The following CDH12 variants were observed in gnomAD, a reference collection of about 807,000 sequenced individuals.
The protein encoded by CDH12 is cadherin 12.
In CDH12, 41 loss-of-function variants were observed where a neutral mutation model predicts 74.1. The observed-to-expected ratio is 0.55, with a 90% confidence interval of 0.43 to 0.72. CDH12 has a LOEUF of 0.72. Ranked by LOEUF, CDH12 falls within the 30% of genes least tolerant of loss-of-function variation. CDH12 has a pLI of 0.00. For synonymous variants in CDH12, 399 were observed against 355.0 expected, an observed-to-expected ratio of 1.12 and a Z score of -1.39; for missense variants, 945 against 977.2, an observed-to-expected ratio of 0.97 and a Z score of 0.44.
chr5:22,498,119 T>C (rs920920367), intron 2 of CDH12, among the ~76,000 whole-genome samples: 1 of 152,184 alleles, frequency 6.6e-6, no homozygotes, highest in African/African-American at 2.4e-5. Context: ...TTCCAAGTCA[T>C]TTCAAATGTT....
In CDH12 at chr5:22,078,564, T is replaced by C; in HGVS notation, c.113A>G (p.Asn38Ser). Residue 38 changes from asparagine to serine, a missense_variant, in exon 5 of 15, where the codon AAT becomes AGT. Physicochemically the swap from Asn to Ser is conservative, Grantham distance 46. This residue lies in a region of CDH12 where 148 missense variants were observed against 162.8 expected (regional missense o/e 0.91). Transcript: ENST00000382254. ...QQTLATEPRENVIHLPGQRSH... is the reference protein window; with the variant it reads ...QQTLATEPRESVIHLPGQRSH... Reference sequence around the variant, plus strand: ...CCGTTGTCCTGGCAGATGGATAACATTTTCTCTTGGCTCTGTGGCTAAAGT... The same window carrying C: ...CCGTTGTCCTGGCAGATGGATAACACTTTCTCTTGGCTCTGTGGCTAAAGT... 2 of 1,613,964 alleles carry C rather than the reference T, an allele frequency of 1.2e-6. No homozygotes were observed. The highest frequency in any genetic ancestry group is 1.7e-6 in the Non-Finnish European group (2 of 1,179,874).
chr5:21,820,821 GT>G (rs1423095161), intron 8 of CDH12, among the ~76,000 whole-genome samples: 3 of 151,930 alleles, frequency 2.0e-5, no homozygotes, highest in African/African-American at 7.2e-5. Context: ...ATGATGTACT[GT>G]GTAATTACAC....
intron 9 of CDH12, among the ~76,000 whole-genome samples, chr5:21,806,560 A>G (rs1373704742): frequency 6.6e-6 from 1 of 152,106 alleles, no homozygotes; most frequent in African/African-American, 2.4e-5. Context: ...TGAGATGGTG[A>G]TTAGATTCTG....
chr5:22,629,536 A>G (rs982932910), intron 1 of CDH12, among the ~76,000 whole-genome samples: 7 of 152,170 alleles, frequency 4.6e-5, no homozygotes, highest in African/African-American at 1.7e-4. Flanking sequence ...TAGATATAGA[A>G]AATGCTTATG....
chr5:22,665,325 G>T (rs1740560291), intron 1 of CDH12, among the ~76,000 whole-genome samples: 1 of 152,134 alleles, frequency 6.6e-6, no homozygotes, highest in African/African-American at 2.4e-5. Context: ...TTTTCTAGCT[G>T]AAATTTTTTT....
intron 9 of CDH12, among the ~76,000 whole-genome samples, chr5:21,816,489 G>T (rs1461461806): frequency 6.6e-5 from 10 of 151,042 alleles, no homozygotes; most frequent in African/African-American, 1.9e-4. Flanking sequence ...GCCGGGCGTG[G>T]TGGTGCACAT....
chr5:21,890,973 T>C (rs1005074432), intron 6 of CDH12, among the ~76,000 whole-genome samples: 1 of 152,110 alleles, frequency 6.6e-6, no homozygotes, highest in Non-Finnish European at 1.5e-5. Flanking sequence ...ATCCAAAGTA[T>C]ATAAACCCCA....
At chr5:22,812,456 T>C (rs890937748) in intron 1 of CDH12, among the ~76,000 whole-genome samples, 1 of 152,108 alleles carries the variant, frequency 6.6e-6, no homozygotes, top group East Asian at 1.9e-4. Context: ...AGAATTCTAG[T>C]TGGGATAGCA....
intron 1 of CDH12, among the ~76,000 whole-genome samples, chr5:22,571,819 T>G (rs932080476): frequency 2.6e-5 from 4 of 152,116 alleles, no homozygotes; most frequent in Admixed American, 2.6e-4. Flanking sequence ...CACATAACAT[T>G]AATTGATTAA....
At chr5:21,801,141 C>T (rs557320379) in intron 10 of CDH12, among the ~76,000 whole-genome samples, 2 of 152,130 alleles carry the variant, frequency 1.3e-5, no homozygotes, top group Non-Finnish European at 2.9e-5. Flanking sequence ...CGTATGCTGT[C>T]AAGCCATTTC....
At chr5:21,816,807 C>A in intron 9 of CDH12, 138 bp downstream of exon 9, 1 of 532,172 alleles carries the variant, frequency 1.9e-6, no homozygotes, top group South Asian at 3.5e-5. Context: ...TATCAGTACC[C>A]CAACTCTCAC....
chr5:22,011,726 A>C (rs1456758453), intron 5 of CDH12, among the ~76,000 whole-genome samples: 1 of 152,140 alleles, frequency 6.6e-6, no homozygotes, highest in Non-Finnish European at 1.5e-5. Context: ...GTTATATGCA[A>C]TTATAAGGCA....
chr5:22,595,893 C>T (rs1263835588), intron 1 of CDH12, among the ~76,000 whole-genome samples: 11 of 151,556 alleles, frequency 7.3e-5, no homozygotes, highest in South Asian at 4.2e-4. Flanking sequence ...CTGGCTAACA[C>T]GGTGAAACCC....
At chr5:22,625,921 A>G (rs1738266168) in intron 1 of CDH12, among the ~76,000 whole-genome samples, 2 of 151,778 alleles carry the variant, frequency 1.3e-5, no homozygotes, top group South Asian at 4.2e-4. Context: ...TTGAAATCCC[A>G]TCACTTTGTC....
chr5:22,762,755 G>A (rs758820878), intron 1 of CDH12, among the ~76,000 whole-genome samples: 3 of 151,984 alleles, frequency 2.0e-5, no homozygotes, highest in Non-Finnish European at 4.4e-5. Context: ...TCTTGATAAA[G>A]AGTTAATTTT....
chr5:21,790,827 C>T (rs965889556), intron 10 of CDH12, among the ~76,000 whole-genome samples: 1 of 151,958 alleles, frequency 6.6e-6, no homozygotes, highest in African/African-American at 2.4e-5. Flanking sequence ...GGCATCAAGT[C>T]GTGGCACACA....
intron 3 of CDH12, among the ~76,000 whole-genome samples, chr5:22,294,557 T>C (rs1304312220): frequency 1.3e-5 from 2 of 152,160 alleles, no homozygotes; most frequent in Non-Finnish European, 2.9e-5. Flanking sequence ...TTTAGATAAA[T>C]TCGAAATCTT....
intron 4 of CDH12, among the ~76,000 whole-genome samples, chr5:22,177,856 G>A (rs1469584887): frequency 6.6e-6 from 1 of 152,178 alleles, no homozygotes; most frequent in East Asian, 1.9e-4. Flanking sequence ...AGTAGATAGA[G>A]AGATGGTTTG....
intron 4 of CDH12, among the ~76,000 whole-genome samples, chr5:22,173,759 G>A (rs1376987047): frequency 2.0e-5 from 3 of 151,826 alleles, no homozygotes; most frequent in African/African-American, 7.2e-5. Flanking sequence ...CTTACGTAAT[G>A]TGTAATTTCC....
Sources: gnomAD v4.1 joint callset for allele counts (sites outside exome capture counted in the v4.1 genomes callset) on GRCh38, gnomAD v4.1.1 for gene constraint, gnomAD v4.1.1 regional missense constraint, MANE v1.5 for transcripts, NCBI Gene and HGNC (gene_info 2026-07-23, HGNC 2026-07-21) for gene names.